ZSCAN25: variants seen among roughly 807,000 people sequenced by gnomAD.
ZSCAN25 encodes the protein zinc finger and SCAN domain containing 25, also known as zinc finger and SCAN domain-containing protein 25.
A neutral mutation model predicts 38.7 loss-of-function variants in ZSCAN25; 27 were observed. The ratio of observed to expected loss-of-function variants is 0.70; its 90% CI spans 0.51 to 0.96. The LOEUF (loss-of-function observed/expected upper bound fraction) is 0.96, where lower values mean the gene tolerates loss of function less well. ZSCAN25 is among the 40% of genes least tolerant of loss of function. The pLI, the probability that ZSCAN25 is intolerant of heterozygous loss-of-function variation, is 0.00. For synonymous variants in ZSCAN25, 273 were observed against 277.7 expected (o/e 0.98, Z 0.17); for missense variants, 637 against 705.9 (o/e 0.90, Z 1.11).
chr7:99,717,251 A>C, the ZSCAN25 span: 1 of 1,613,978 alleles, frequency 6.2e-7, no homozygotes, highest in Non-Finnish European at 8.5e-7. Flanking sequence ...CATACTGGGC[A>C]ATGATAGGGA....
the ZSCAN25 span, chr7:99,676,113 A>C: frequency 5.0e-6 from 8 of 1,613,166 alleles, no homozygotes; most frequent in Non-Finnish European, 6.8e-6. Context: ...CAAGCAACTC[A>C]CCTGACGATA....
intron 7 of ZSCAN25, among the ~76,000 whole-genome samples, chr7:99,625,775 T>G (rs1389387819): frequency 6.6e-6 from 1 of 152,160 alleles, no homozygotes; most frequent in Non-Finnish European, 1.5e-5. Flanking sequence ...TTCTGACTGT[T>G]CTGGAGACTG....
At chr7:99,718,678 T>A in the ZSCAN25 span, among the ~76,000 whole-genome samples, 3 of 152,120 alleles carry the variant, frequency 2.0e-5, no homozygotes. Flanking sequence ...GGAAAAAGAA[T>A]TAAAAGGCAT....
chr7:99,677,497 CGG>C, the ZSCAN25 span, among the ~76,000 whole-genome samples: 4 of 152,166 alleles, frequency 2.6e-5, no homozygotes, highest in African/African-American at 9.7e-5. Context: ...TAAAACGTCC[CGG>C]AGAGTTGTAT....
At chr7:99,716,004 C>CA in the ZSCAN25 span, 12 of 1,605,342 alleles carry the variant, frequency 7.5e-6, no homozygotes, top group Non-Finnish European at 1.0e-5. Context: ...TCAAGACAGA[C>CA]AAACAGCCAC....
At chr7:99,734,277 G>A in the ZSCAN25 span, among the ~76,000 whole-genome samples, 27 of 152,316 alleles carry the variant, frequency 1.8e-4, no homozygotes, top group African/African-American at 6.3e-4. Flanking sequence ...AGTAAAATGT[G>A]ACAGGCGGGA....
chr7:99,636,994 G>A (rs1394791754), downstream of ZSCAN25, among the ~76,000 whole-genome samples: 1 of 152,144 alleles, frequency 6.6e-6, no homozygotes, highest in Non-Finnish European at 1.5e-5. Flanking sequence ...TGAACCAACA[G>A]GGTATCTTTT....
At chr7:99,671,934 A>C in the ZSCAN25 span, 1 of 686,310 alleles carries the variant, frequency 1.5e-6, no homozygotes, top group South Asian at 1.5e-5. Context: ...CACACAAACA[A>C]GGGCATGTAA....
chr7:99,736,134 C>T, the ZSCAN25 span, among the ~76,000 whole-genome samples: 2 of 152,120 alleles, frequency 1.3e-5, no homozygotes, highest in African/African-American at 4.8e-5. Context: ...AAAGTCCTGC[C>T]GTAGATAGAA....
At position 99,631,237 on chromosome 7, in the gene ZSCAN25, A is replaced by G. The variant is rs1807977408; in HGVS notation, c.*1217A>G. On this transcript the variant is annotated 3_prime_UTR_variant, in exon 8 of 8. Transcript: ENST00000394152. ...TGTTACTAAATGGTCTCTGCCCTCC[A>G]GACCCTTGTCATCCAAGGCACTAGG... 1.0e-6 allele frequency: 1 copy of G among 985,336 alleles called. No homozygotes were observed. Among genetic ancestry groups the G allele is most frequent in the Non-Finnish European group, 1.2e-6 (1 of 829,956 alleles). 61.0% of individuals were successfully genotyped at this position (985,336 alleles called of 1,614,324 possible). A position where few individuals can be genotyped will look rare whatever the true frequency, so the allele number is the denominator to read the frequency against.
At chr7:99,667,350 G>T in the ZSCAN25 span, among the ~76,000 whole-genome samples, 2 of 152,190 alleles carry the variant, frequency 1.3e-5, no homozygotes, top group Non-Finnish European at 2.9e-5. Context: ...GTAGGGAACT[G>T]TTCTTCCAGT....
At chr7:99,660,167 G>C in the ZSCAN25 span, 1 of 937,050 alleles carries the variant, frequency 1.1e-6, no homozygotes, top group Non-Finnish European at 1.3e-6. Context: ...CACGCTGGGA[G>C]CTGTAGACTG....
the ZSCAN25 span, among the ~76,000 whole-genome samples, chr7:99,676,889 T>G: frequency 6.6e-6 from 1 of 152,162 alleles, no homozygotes; most frequent in East Asian, 1.9e-4. Flanking sequence ...CACCTCAGTC[T>G]CTGTGGTCAG....
intron 7 of ZSCAN25, 125 bp downstream of exon 7, chr7:99,624,305 C>G (rs1807268795): frequency 8.5e-7 from 1 of 1,174,472 alleles, no homozygotes; most frequent in Admixed American, 2.1e-5. Flanking sequence ...GTAAATGGGT[C>G]CAGCACGGAC....
the ZSCAN25 span, chr7:99,671,100 A>G: frequency 6.6e-6 from 1 of 150,912 alleles, no homozygotes; most frequent in African/African-American, 2.4e-5. Flanking sequence ...ATATAATGAA[A>G]ACTATACACA....
chr7:99,734,228 A>G, the ZSCAN25 span, among the ~76,000 whole-genome samples: 1 of 152,212 alleles, frequency 6.6e-6, no homozygotes, highest in Non-Finnish European at 1.5e-5. Flanking sequence ...CCATGTGACC[A>G]TGATTCCTTA....
the ZSCAN25 span, among the ~76,000 whole-genome samples, chr7:99,657,251 T>G: frequency 2.6e-5 from 4 of 152,232 alleles, no homozygotes; most frequent in Non-Finnish European, 4.4e-5. Context: ...CACATTGCTT[T>G]GAATGTGGCC....
chr7:99,624,023 T>C lies in ZSCAN25; in HGVS notation c.682-34T>C, dbSNP rs1807236278. 3 of 1,613,920 alleles carry C rather than the reference T, an allele frequency of 1.9e-6. No homozygotes were observed. In the Admixed American group the frequency reaches 5.0e-5, roughly 27 times the overall value. On this transcript the variant is annotated intron_variant, in intron 6 of 7. Transcript: ENST00000394152. ...AGCCACTGTCTCTGGCCTAGGATTC[T>C]TTCTTTATTCATAGCAATCTCCTAT...
At chr7:99,684,990 C>T in the ZSCAN25 span, 5 of 578,124 alleles carry the variant, frequency 8.6e-6, no homozygotes, top group Non-Finnish European at 1.5e-5. Flanking sequence ...GGAGAGAGCT[C>T]AGTGCATGTA....
Sources: allele counts gnomAD v4.1 joint callset (sites outside exome capture counted in the v4.1 genomes callset), GRCh38; gene constraint gnomAD v4.1.1; transcripts MANE v1.5; gene names NCBI Gene and HGNC (gene_info 2026-07-23, HGNC 2026-07-21).